OR11A1: variants seen among roughly 807,000 people sequenced by gnomAD.
The protein encoded by OR11A1 is olfactory receptor 11A1.
For synonymous variants in OR11A1, 158 were observed against 152.2 expected (o/e 1.04, Z -0.28); for missense variants, 380 against 378.2 (o/e 1.00, Z -0.04).
intron 1 of OR11A1, among the ~76,000 whole-genome samples, chr6:29,452,815 A>G (rs929047425): frequency 2.0e-5 from 3 of 152,202 alleles, no homozygotes; most frequent in African/African-American, 7.2e-5. Flanking sequence ...TTGGAGTTTC[A>G]AATCTATGAG....
At chr6:29,439,394 A>G (rs961809478) in intron 1 of OR11A1, 7 of 152,340 alleles carry the variant, frequency 4.6e-5, no homozygotes, top group African/African-American at 1.4e-4. Context: ...AAATAGTTGA[A>G]CTGTTTAATG....
intron 1 of OR11A1, among the ~76,000 whole-genome samples, chr6:29,445,451 AAG>A (rs57672806): frequency 0.051 from 7,698 of 152,234 alleles, 374 homozygotes; most frequent in African/African-American, 0.12. Flanking sequence ...AGAAAAGAGA[AAG>A]AACAAAAAAG....
chr6:29,427,484 C>T lies in OR11A1; in HGVS notation c.158G>A (p.Ser53Asn). 6.2e-7 allele frequency: 1 copy of T among 1,613,016 alleles called. No individual in the cohort carries two copies. Among genetic ancestry groups the T allele is most frequent in the Non-Finnish European group, 8.5e-7 (1 of 1,180,028 alleles). ...CATGGGTTTGTGGAGCCTCTGGGAG[C>T]TAACCACTGCTACAATAATCAGCAT... is the stretch of plus-strand genomic sequence containing the variant. ...GNMLIIVAVVSSQRLHKPMYI... is the reference protein window; with the variant it reads ...GNMLIIVAVVNSQRLHKPMYI... The change falls in exon 5 of 5, where the codon AGC becomes AAC. Residue 53 changes from serine (S) to asparagine (N), a missense_variant. Coordinates refer to ENST00000377149, the MANE Select transcript of OR11A1 (RefSeq NM_001394828.1).
At chr6:29,433,888 T>C (rs1362565552) in intron 1 of OR11A1, among the ~76,000 whole-genome samples, 2 of 152,188 alleles carry the variant, frequency 1.3e-5, no homozygotes, top group Non-Finnish European at 2.9e-5. Flanking sequence ...TGATATCTTA[T>C]TGTGAATTTA....
At chr6:29,428,806 A>G in intron 4 of OR11A1, 107 bp downstream of exon 4, 1 of 195,236 alleles carries the variant, frequency 5.1e-6, no homozygotes, top group Non-Finnish European at 9.2e-6. Flanking sequence ...GGCAAAAGAC[A>G]GGAAACCAGA....
At chr6:29,454,433 C>CT (rs886573759) in intron 1 of OR11A1, among the ~76,000 whole-genome samples, 1 of 152,040 alleles carries the variant, frequency 6.6e-6, no homozygotes, top group Non-Finnish European at 1.5e-5. Flanking sequence ...ACTTACAAGT[C>CT]TACTAGAATG....
intron 1 of OR11A1, among the ~76,000 whole-genome samples, chr6:29,445,791 C>T (rs60194987): frequency 0.1 from 15,198 of 152,188 alleles, 1,404 homozygotes; most frequent in African/African-American, 0.24. Context: ...GAAATGGGAG[C>T]GTGTGCTTGT....
chr6:29,440,244 G>A, intron 1 of OR11A1: 2 of 1,613,914 alleles, frequency 1.2e-6, no homozygotes, highest in Non-Finnish European at 1.7e-6. Flanking sequence ...GTCTGTCACG[G>A]TCCCCCTGCT....
rs1407094800 is a variant in OR11A1, at chr6:29,453,578, T to A, written c.-389+3409A>T. Among the ~76,000 whole-genome samples, 1 of 152,148 alleles carries A rather than the reference T, an allele frequency of 6.6e-6. No individual in the cohort carries two copies. The highest frequency in any genetic ancestry group is 1.5e-5 in the Non-Finnish European group (1 of 68,006). On this transcript the variant is annotated intron_variant, in intron 1 of 4. Coordinates refer to ENST00000377149, the MANE Select transcript of OR11A1 (RefSeq NM_001394828.1). This position sits in a 1 kb window ranked among gnomAD's most constrained non-coding sequence, Gnocchi z 4.5. Reference sequence around the variant, plus strand: ...AACTCATGCCTAGGGTTTATGTCAGTAAAAGTAACAAACTCAATCGTGTTT... The same window carrying A: ...AACTCATGCCTAGGGTTTATGTCAGAAAAAGTAACAAACTCAATCGTGTTT...
In OR11A1 at chr6:29,448,010, CTTTTTT is replaced by C. The variant is rs9280602; in HGVS notation, c.-389+8971_-389+8976del. ...CCAAAAGTGATCAACATGACCCTTTCTTTTTTTTTTTTTTTTTTTTTTTTGAGAAGG... is the reference window on the plus strand; with the variant it reads ...CCAAAAGTGATCAACATGACCCTTTCTTTTTTTTTTTTTTTTTTGAGAAGG... On this transcript the variant is annotated intron_variant, in intron 1 of 4. Transcript: ENST00000377149. Among the ~76,000 whole-genome samples, 444 of 79,958 alleles carry C rather than the reference CTTTTTT, an allele frequency of 5.6e-3. No individual in the cohort carries two copies. In the Middle Eastern group the frequency reaches 0.075, roughly 14 times the overall value. The allele number at this position is 79,958 out of a possible 152,430, so 52.5% of individuals were successfully genotyped here.
intron 1 of OR11A1, among the ~76,000 whole-genome samples, chr6:29,445,928 A>C (rs915732353): frequency 1.3e-5 from 2 of 152,162 alleles, no homozygotes; most frequent in African/African-American, 4.8e-5. Context: ...ACTCAGGTAC[A>C]TCAGGGCCAC....
chr6:29,445,076 G>T (rs1036240372), intron 1 of OR11A1, among the ~76,000 whole-genome samples: 3 of 152,070 alleles, frequency 2.0e-5, no homozygotes, highest in Non-Finnish European at 4.4e-5. Flanking sequence ...GCACGATCTT[G>T]GCTCACTGCA....
At chr6:29,450,093 C>A (rs915000877) in intron 1 of OR11A1, 4 of 152,150 alleles carry the variant, frequency 2.6e-5, no homozygotes, top group African/African-American at 9.7e-5. Flanking sequence ...TGTGGCAGCA[C>A]AGTTTTATGA....
At chr6:29,428,658 G>A (rs1448553830) in intron 4 of OR11A1, among the ~76,000 whole-genome samples, 1 of 150,392 alleles carries the variant, frequency 6.6e-6, no homozygotes, top group East Asian at 2.0e-4. Context: ...TCGGGATGCC[G>A]AGGCAGAAGA....
intron 1 of OR11A1, chr6:29,440,716 G>T (rs751281587): frequency 2.5e-6 from 4 of 1,613,840 alleles, no homozygotes; most frequent in Admixed American, 1.7e-5. Context: ...GCGGGCCGCC[G>T]CAAGGCCTTC....
At chr6:29,454,993 C>T (rs1159711856) in intron 1 of OR11A1, among the ~76,000 whole-genome samples, 1 of 151,870 alleles carries the variant, frequency 6.6e-6, no homozygotes, top group Non-Finnish European at 1.5e-5. Flanking sequence ...ATTATGACTC[C>T]TATATCACAA....
chr6:29,449,547 A>C lies in OR11A1; in HGVS notation c.-389+7440T>G, dbSNP rs376655673. Among the ~76,000 whole-genome samples the C allele has an allele frequency of 8.1e-4, 124 of 152,322 alleles. 2 individuals carry two copies. In the South Asian group the frequency reaches 0.023, roughly 28 times the overall value. ...TCACAAAAAAGTATCTTTCTTTCCC[A>C]GTTATGATTTTTCTTCCTTCTTCTG... is the stretch of plus-strand genomic sequence containing the variant. On this transcript the variant is annotated intron_variant, in intron 1 of 4. Transcript: ENST00000377149.
At chr6:29,448,446 T>A (rs2151394332) in intron 1 of OR11A1, among the ~76,000 whole-genome samples, 1 of 152,312 alleles carries the variant, frequency 6.6e-6, no homozygotes, top group South Asian at 2.1e-4. Flanking sequence ...TGTCCATGAA[T>A]TATTATGTTG....
intron 1 of OR11A1, among the ~76,000 whole-genome samples, chr6:29,455,083 A>C (rs1785915602): frequency 6.6e-6 from 1 of 152,204 alleles, no homozygotes; most frequent in African/African-American, 2.4e-5. Flanking sequence ...AACATAAAAG[A>C]AAATATTTAT....
Sources: allele counts gnomAD v4.1 joint callset (sites outside exome capture counted in the v4.1 genomes callset), GRCh38; gene constraint gnomAD v4.1.1; non-coding constraint Gnocchi (gnomAD v3.1); transcripts MANE v1.5; gene names NCBI Gene and HGNC (gene_info 2026-07-23, HGNC 2026-07-21).